YPEL1: variants seen among roughly 807,000 people sequenced by gnomAD.
The protein encoded by YPEL1 is yippee like 1.
In YPEL1, 7 loss-of-function variants were observed where a neutral mutation model predicts 17.3. That is an observed-to-expected ratio of 0.40 (90% CI 0.23 to 0.76). The LOEUF is 0.76. Among genes scored for constraint, YPEL1 ranks in the 30% least tolerant of loss-of-function variants. YPEL1 has a pLI of 0.35. For synonymous variants in YPEL1, 59 were observed against 59.6 expected, an observed-to-expected ratio of 0.99 and a Z score of 0.05; for missense variants, 91 against 155.5, an observed-to-expected ratio of 0.59 and a Z score of 2.21.
chr22:21,706,843 C>G (rs1034491647), intron 2 of YPEL1, among the ~76,000 whole-genome samples: 8 of 151,132 alleles, frequency 5.3e-5, no homozygotes, highest in Non-Finnish European at 8.8e-5. Context: ...GAAGCCCTGT[C>G]TAAAAATAAA....
chr22:21,727,853 G>GGCA (rs940897564), intron 1 of YPEL1, among the ~76,000 whole-genome samples: 12 of 152,284 alleles, frequency 7.9e-5, no homozygotes, highest in African/African-American at 2.9e-4. Context: ...GCCACCACCT[G>GGCA]GCAGGTGAGT....
At chr22:21,729,661 T>C (rs1320270721) in intron 1 of YPEL1, among the ~76,000 whole-genome samples, 3 of 152,186 alleles carry the variant, frequency 2.0e-5, no homozygotes, top group African/African-American at 7.2e-5. Context: ...GAAGGTGCTC[T>C]GTGATCCAGC....
intron 2 of YPEL1, among the ~76,000 whole-genome samples, chr22:21,706,060 G>T (rs924327885): frequency 6.8e-6 from 1 of 147,550 alleles, no homozygotes; most frequent in Non-Finnish European, 1.5e-5. Flanking sequence ...AACCTGGGAG[G>T]GGGAGGTTGC....
At chr22:21,709,912 G>A (rs922309352) in intron 2 of YPEL1, among the ~76,000 whole-genome samples, 8 of 149,968 alleles carry the variant, frequency 5.3e-5, no homozygotes, top group African/African-American at 1.2e-4. Context: ...TGGTCATGAC[G>A]TATGAGGATG....
intron 1 of YPEL1, among the ~76,000 whole-genome samples, chr22:21,724,834 C>T (rs1011644272): frequency 6.6e-6 from 1 of 152,028 alleles, no homozygotes; most frequent in Non-Finnish European, 1.5e-5. Context: ...CCCACCTTGG[C>T]CTCCCAAAGT....
intron 1 of YPEL1, among the ~76,000 whole-genome samples, chr22:21,729,099 C>T (rs767740565): frequency 4.0e-5 from 6 of 149,480 alleles, no homozygotes; most frequent in Non-Finnish European, 7.4e-5. Context: ...GCTGAGATTG[C>T]GCCATTGTAC....
At chr22:21,720,275 G>A (rs1359005014) in intron 1 of YPEL1, among the ~76,000 whole-genome samples, 1 of 150,956 alleles carries the variant, frequency 6.6e-6, no homozygotes, top group Non-Finnish European at 1.5e-5. Flanking sequence ...TGGTCACACA[G>A]CTCACTGCAG....
intron 1 of YPEL1, among the ~76,000 whole-genome samples, chr22:21,733,482 T>G (rs2068408116): frequency 6.6e-6 from 1 of 150,756 alleles, no homozygotes. Flanking sequence ...ACCTATAATC[T>G]CAGCACTTTG....
chr22:21,731,944 G>A (rs796843271), intron 1 of YPEL1, among the ~76,000 whole-genome samples: 20 of 152,266 alleles, frequency 1.3e-4, no homozygotes, highest in African/African-American at 3.6e-4. Flanking sequence ...GTTACAGGAC[G>A]GCAGGGGCTC....
chr22:21,712,748 T>C (rs1485293700), intron 1 of YPEL1, among the ~76,000 whole-genome samples: 1 of 134,526 alleles, frequency 7.4e-6, no homozygotes, highest in African/African-American at 2.7e-5. Flanking sequence ...AAAAGGAAAA[T>C]GGATAAAGGA....
At chr22:21,720,177 C>CAAAA (rs1292044683) in intron 1 of YPEL1, among the ~76,000 whole-genome samples, 10 of 81,450 alleles carry the variant, frequency 1.2e-4, no homozygotes, top group Admixed American at 1.4e-4. Flanking sequence ...GACTCTGTAT[C>CAAAA]AAAAAAAAAA....
rs1013413659 is a variant in YPEL1, at chr22:21,708,908, A to T, written c.117+1720T>A. ...GGTCTGGTCTCAAACTCCTGACCTCAAGTGATCCGCCCACCTCGGTCTCCC... is the reference window on the plus strand; with the variant it reads ...GGTCTGGTCTCAAACTCCTGACCTCTAGTGATCCGCCCACCTCGGTCTCCC... On this transcript the variant is annotated intron_variant, in intron 2 of 4. Coordinates refer to ENST00000339468, the MANE Select transcript of YPEL1 (RefSeq NM_013313.5). Among the ~76,000 whole-genome samples, 11 of 152,060 alleles carry T rather than the reference A, an allele frequency of 7.2e-5. No homozygotes were observed. The East Asian group carries it at 1.9e-3, about 27-fold the overall frequency.
At chr22:21,710,322 T>G (rs2068152199) in intron 2 of YPEL1, among the ~76,000 whole-genome samples, 1 of 152,216 alleles carries the variant, frequency 6.6e-6, no homozygotes, top group Admixed American at 6.5e-5. Flanking sequence ...CTTCTTTTGC[T>G]CATTCAGTCC....
intron 1 of YPEL1, among the ~76,000 whole-genome samples, chr22:21,721,172 G>A (rs2068278651): frequency 6.6e-6 from 1 of 151,848 alleles, no homozygotes; most frequent in Non-Finnish European, 1.5e-5. Context: ...TGCCCAGGCT[G>A]GAGTGCAGTG....
chr22:21,719,358 A>C (rs1601636245), intron 1 of YPEL1, among the ~76,000 whole-genome samples: 1 of 152,198 alleles, frequency 6.6e-6, no homozygotes, highest in South Asian at 2.1e-4. Flanking sequence ...ATTTTCAACT[A>C]AGTTTCTTGT....
chr22:21,703,985 C>G lies in YPEL1; in HGVS notation c.118-103G>C. The stretch of plus-strand genomic sequence containing the variant: ...CCAGCCCCGCGGCTGTTAGCTGCGC[C>G]GGGACGCGTCACCGGGAGCAGACAC... On this transcript the variant is annotated intron_variant, in intron 2 of 4. Coordinates refer to ENST00000339468, the MANE Select transcript of YPEL1 (RefSeq NM_013313.5). The surrounding 1 kb of genome is among the most constrained non-coding windows in gnomAD (Gnocchi z 6.1). 1 of 1,304,034 alleles carries G rather than the reference C, an allele frequency of 7.7e-7. No individual in the cohort carries two copies. Among genetic ancestry groups the G allele is most frequent in the South Asian group, 1.3e-5 (1 of 79,176 alleles). The allele number at this position is 1,304,034 out of a possible 1,614,324, so 80.8% of individuals were successfully genotyped here. A position where few individuals can be genotyped will look rare whatever the true frequency, so the allele number is the denominator to read the frequency against.
chr22:21,703,783 A>G lies in YPEL1; in HGVS notation c.161+56T>C, dbSNP rs2068089173. 1 of 1,584,900 alleles carries G rather than the reference A, an allele frequency of 6.3e-7. No homozygotes were observed. Among genetic ancestry groups the G allele is most frequent in the African/African-American group, 1.3e-5 (1 of 74,122 alleles). Reference sequence around the variant, plus strand: ...CTACACAGGGCACTGTGTAGGTGCCATCCAGGCCGTCCCAGGGCCCGTGCC... The same window carrying G: ...CTACACAGGGCACTGTGTAGGTGCCGTCCAGGCCGTCCCAGGGCCCGTGCC... On this transcript the variant is annotated intron_variant, in intron 3 of 4. Transcript: ENST00000339468. The surrounding 1 kb of genome is among the most constrained non-coding windows in gnomAD (Gnocchi z 6.1).
rs150208781 is a variant in YPEL1 at position 21,704,100 on chromosome 22, C to G, written c.118-218G>C. The stretch of plus-strand genomic sequence containing the variant: ...TCATTGTAGACAGGAGTGGCTGATT[C>G]TGCTGCGTCAACATTCTGCAAGTGA... On this transcript the variant is annotated intron_variant, in intron 2 of 4. Transcript: ENST00000339468. 117 of 719,854 alleles carry G rather than the reference C, an allele frequency of 1.6e-4. 1 individual carries two copies. The East Asian group carries it at 3.1e-3, about 19-fold the overall frequency. 44.6% of individuals were successfully genotyped at this position (719,854 alleles called of 1,614,324 possible).
At chr22:21,710,535 A>G in intron 2 of YPEL1, 93 bp downstream of exon 2, 3 of 1,093,038 alleles carry the variant, frequency 2.7e-6, no homozygotes, top group Non-Finnish European at 4.2e-6. Flanking sequence ...CAGACTCAGG[A>G]AGTCATGTGA....
Sources: gnomAD v4.1 joint callset for allele counts (sites outside exome capture counted in the v4.1 genomes callset) on GRCh38, gnomAD v4.1.1 for gene constraint, Gnocchi (gnomAD v3.1) non-coding constraint, MANE v1.5 for transcripts, NCBI Gene and HGNC (gene_info 2026-07-23, HGNC 2026-07-21) for gene names.